Variants in GYPE observed in about 807,000 individuals in gnomAD.
GYPE encodes glycophorin-E.
Under a neutral mutation model 11.6 loss-of-function variants are expected in GYPE, and 8 were observed. The observed-to-expected ratio is 0.69, with a 90% CI of 0.41 to 1.25. The LOEUF (loss-of-function observed/expected upper bound fraction) is 1.25. GYPE is among the 50% of genes most tolerant of loss of function. The pLI, the probability that GYPE is intolerant of heterozygous loss-of-function variation, is 0.01. For synonymous variants in GYPE, 28 were observed against 29.6 expected, an observed-to-expected ratio of 0.94 and a Z score of 0.18; for missense variants, 90 against 92.8, an observed-to-expected ratio of 0.97 and a Z score of 0.12.
intron 2 of GYPE, among the ~76,000 whole-genome samples, chr4:143,879,156 T>C (rs374176523): frequency 2.2e-4 from 34 of 152,150 alleles, no homozygotes; most frequent in African/African-American, 7.5e-4. Context: ...ATTTGAGCTT[T>C]TGCCAATAGT....
chr4:143,894,495 A>T (rs1337308940), intron 1 of GYPE, among the ~76,000 whole-genome samples: 1 of 151,668 alleles, frequency 6.6e-6, no homozygotes, highest in African/African-American at 2.4e-5. Flanking sequence ...TTTGGTGTGG[A>T]TGTCCTTTCT....
At chr4:143,872,564 C>A (rs1253376599) in intron 3 of GYPE, among the ~76,000 whole-genome samples, 1 of 151,964 alleles carries the variant, frequency 6.6e-6, no homozygotes, top group Non-Finnish European at 1.5e-5. Context: ...GGGAAGAAGA[C>A]TACAAGCTGC....
At chr4:143,896,963 C>T (rs1560950254) in intron 1 of GYPE, among the ~76,000 whole-genome samples, 1 of 150,376 alleles carries the variant, frequency 6.6e-6, no homozygotes, top group Non-Finnish European at 1.5e-5. Flanking sequence ...ACAATGAGAA[C>T]ACATGGACAC....
At chr4:143,886,404 A>G (rs1177004686) in intron 1 of GYPE, among the ~76,000 whole-genome samples, 30 of 132,444 alleles carry the variant, frequency 2.3e-4, no homozygotes, top group Non-Finnish European at 3.9e-4. Context: ...AAGGTAAGGA[A>G]ACCAAATTTC....
intron 1 of GYPE, among the ~76,000 whole-genome samples, chr4:143,889,907 T>C (rs1744340448): frequency 1.3e-5 from 2 of 152,174 alleles, no homozygotes; most frequent in African/African-American, 4.8e-5. Flanking sequence ...AGCAGCCAAG[T>C]GGCAGAGCTG....
intron 1 of GYPE, among the ~76,000 whole-genome samples, chr4:143,894,908 T>C (rs1744566009): frequency 6.6e-6 from 1 of 152,138 alleles, no homozygotes; most frequent in East Asian, 1.9e-4. Context: ...AAAAACCACA[T>C]GATTATCTCA....
At chr4:143,891,379 A>G (rs1206097497) in intron 1 of GYPE, among the ~76,000 whole-genome samples, 1 of 135,424 alleles carries the variant, frequency 7.4e-6, no homozygotes, top group Non-Finnish European at 1.5e-5. Context: ...CCCAAGCTGG[A>G]GTGCAGTGGC....
intron 1 of GYPE, among the ~76,000 whole-genome samples, chr4:143,902,981 T>C: frequency 6.6e-6 from 1 of 152,086 alleles, no homozygotes; most frequent in East Asian, 1.9e-4. Flanking sequence ...TTGAAAACAC[T>C]AACTTACCTC....
intron 3 of GYPE, 130 bp downstream of exon 3, chr4:143,876,616 G>A (rs1469131173): frequency 2.6e-5 from 16 of 623,084 alleles, no homozygotes. Flanking sequence ...ACTTCTATGT[G>A]TCCAGTTGAA....
intron 1 of GYPE, among the ~76,000 whole-genome samples, chr4:143,902,926 C>A (rs1171375094): frequency 6.6e-6 from 1 of 152,016 alleles, no homozygotes; most frequent in African/African-American, 2.4e-5. Context: ...CAAATTGGTT[C>A]TTAGCTTCAG....
intron 1 of GYPE, among the ~76,000 whole-genome samples, chr4:143,892,630 C>T (rs1294540721): frequency 6.6e-5 from 10 of 150,844 alleles, no homozygotes; most frequent in African/African-American, 1.7e-4. Context: ...TTGAGTGAGT[C>T]TCTTAATCCT....
chr4:143,883,203 A>G (rs1744105034), intron 1 of GYPE, among the ~76,000 whole-genome samples: 1 of 151,930 alleles, frequency 6.6e-6, no homozygotes, highest in Non-Finnish European at 1.5e-5. Context: ...TCCTGCTCCA[A>G]GGCTCTCTCT....
At chr4:143,893,687 G>T (rs1744502758) in intron 1 of GYPE, among the ~76,000 whole-genome samples, 1 of 152,170 alleles carries the variant, frequency 6.6e-6, no homozygotes, top group South Asian at 2.1e-4. Context: ...TCTGCTCTTA[G>T]TCTCATGGGC....
At chr4:143,903,392 C>G (rs1290261949) in intron 1 of GYPE, among the ~76,000 whole-genome samples, 1 of 151,740 alleles carries the variant, frequency 6.6e-6, no homozygotes, top group Non-Finnish European at 1.5e-5. Flanking sequence ...AATTCAGGGA[C>G]TGCGAATCAA....
chr4:143,880,928 C>T (rs1286411282), intron 1 of GYPE, among the ~76,000 whole-genome samples: 3 of 151,900 alleles, frequency 2.0e-5, no homozygotes, highest in East Asian at 3.9e-4. Context: ...TGTTATTATG[C>T]TTATAAAGGG....
intron 1 of GYPE, 119 bp downstream of exon 1, chr4:143,905,352 G>C: frequency 6.7e-7 from 1 of 1,497,280 alleles, no homozygotes; most frequent in East Asian, 2.4e-5. Flanking sequence ...CAGACTGGAA[G>C]AGGAAATACT....
intron 1 of GYPE, among the ~76,000 whole-genome samples, chr4:143,896,976 G>A (rs1383447520): frequency 6.7e-6 from 1 of 150,084 alleles, no homozygotes; most frequent in Non-Finnish European, 1.5e-5. Flanking sequence ...ATGGACACAG[G>A]AAGGGGAACA....
At position 143,874,514 on chromosome 4, in the gene GYPE, A is replaced by G. The variant is rs549770649; in HGVS notation, c.*9+2232T>C. ...TTATTCAAATGCAGATGCTGAACAT[A>G]GCAGATTTGTGACAATCTCTTACTG... On this transcript the variant is annotated intron_variant, in intron 3 of 3. Coordinates refer to ENST00000358615, the MANE Select transcript of GYPE (RefSeq NM_198682.3). Among the ~76,000 whole-genome samples the G allele has an allele frequency of 6.1e-4, 93 of 152,348 alleles. 2 individuals carry two copies. The South Asian group carries it at 8.9e-3, about 15-fold the overall frequency.
rs11400558 is a variant in GYPE, at chr4:143,903,524, CAAAAAA to C, written c.37+1941_37+1946del. Among the ~76,000 whole-genome samples the C allele has an allele frequency of 5.7e-4, 56 of 98,864 alleles. 1 individual carries two copies. Among genetic ancestry groups the C allele is most frequent in the African/African-American group, 1.2e-3 (29 of 25,126 alleles). The allele number at this position is 98,864 out of a possible 152,430, so 64.9% of individuals were successfully genotyped here. A position where few individuals can be genotyped will look rare whatever the true frequency, so the allele number is the denominator to read the frequency against. On this transcript the variant is annotated intron_variant, in intron 1 of 3. Coordinates refer to ENST00000358615, the MANE Select transcript of GYPE (RefSeq NM_198682.3). ...CAAGGCAATCGTCTTTTTTTCATAG[CAAAAAA>C]AAAAAAAAAAAAGAAAAAAAAAGAA...
Sources: gnomAD v4.1 joint callset for allele counts (sites outside exome capture counted in the v4.1 genomes callset) on GRCh38, gnomAD v4.1.1 for gene constraint, MANE v1.5 for transcripts, NCBI Gene and HGNC (gene_info 2026-07-23, HGNC 2026-07-21) for gene names.